The following PEPD variants were observed in gnomAD, a reference collection of about 807,000 sequenced individuals.
PEPD encodes the protein xaa-Pro dipeptidase.
PEPD carries 53 observed loss-of-function variants against 60.7 expected under a neutral mutation model. The observed-to-expected ratio is 0.87, with a 90% CI of 0.70 to 1.10. The LOEUF (loss-of-function observed/expected upper bound fraction) is 1.10. Among genes scored for constraint, PEPD ranks in the 50% least tolerant of loss-of-function variants. The probability of loss-of-function intolerance (pLI) is 0.00; values close to 1 mark genes in which losing one functional copy is unlikely to be tolerated. For synonymous variants in PEPD, 267 were observed against 284.1 expected (o/e 0.94, Z 0.60); for missense variants, 711 against 711.9 (o/e 1.00, Z 0.01).
intron 9 of PEPD, among the ~76,000 whole-genome samples, chr19:33,445,846 G>A (rs6510384): frequency 0.039 from 6,010 of 152,198 alleles, 173 homozygotes; most frequent in East Asian, 0.077. Flanking sequence ...GACCTCAGAG[G>A]ACATCAGACA....
rs141683326 is a variant in PEPD, at chr19:33,439,184, C to T, written c.671+23811G>A. Among the ~76,000 whole-genome samples, 304 of 152,336 alleles carry T rather than the reference C, an allele frequency of 2.0e-3. 3 individuals are homozygous for T. The highest frequency in any genetic ancestry group is 1.2e-3 in the Non-Finnish European group (84 of 68,032). On this transcript the variant is annotated intron_variant, in intron 9 of 14. Coordinates refer to ENST00000244137, the MANE Select transcript of PEPD (RefSeq NM_000285.4). ...TGCTTCCCCTGAGGAGGGAAAAGTG[C>T]GACGTGGACAGGGCTCCCATAACCT...
chr19:33,425,253 C>T (rs571968760), intron 9 of PEPD, among the ~76,000 whole-genome samples: 2 of 152,188 alleles, frequency 1.3e-5, no homozygotes, highest in South Asian at 2.1e-4. Flanking sequence ...ATCTGTAATG[C>T]GCCACTGCAC....
At chr19:33,456,952 G>A (rs779304772) in intron 9 of PEPD, among the ~76,000 whole-genome samples, 24 of 151,428 alleles carry the variant, frequency 1.6e-4, no homozygotes, top group Admixed American at 6.6e-4. Flanking sequence ...TGAAACCTGC[G>A]TCCTCTGCAT....
chr19:33,515,193 C>T (rs1340857654), intron 1 of PEPD, among the ~76,000 whole-genome samples: 1 of 152,186 alleles, frequency 6.6e-6, no homozygotes, highest in Non-Finnish European at 1.5e-5. Flanking sequence ...CGGGGCCACA[C>T]ACACAGCTGT....
Position 33,443,272 on chromosome 19 carries a change from C to G in PEPD, c.671+19723G>C, listed in dbSNP as rs556480544. ...GCTTCATTTTAAAAATTACTGAATA[C>G]TATTCCCTCGTATGGCTAGACTGCA... On this transcript the variant is annotated intron_variant, in intron 9 of 14. Transcript: ENST00000244137. Among the ~76,000 whole-genome samples, 415 of 152,316 alleles carry G rather than the reference C, an allele frequency of 2.7e-3. 3 individuals are homozygous for G. Among genetic ancestry groups the G allele is most frequent in the African/African-American group, 9.7e-3 (401 of 41,554 alleles).
chr19:33,399,844 C>T (rs1011406990), intron 12 of PEPD, among the ~76,000 whole-genome samples: 4 of 152,186 alleles, frequency 2.6e-5, no homozygotes, highest in African/African-American at 9.7e-5. Context: ...ACAGAGGGCA[C>T]TCCATGTCTA....
At chr19:33,391,001 A>G (rs1402394634) in intron 13 of PEPD, among the ~76,000 whole-genome samples, 1 of 152,082 alleles carries the variant, frequency 6.6e-6, no homozygotes, top group Non-Finnish European at 1.5e-5. Context: ...GTGGGGCCCC[A>G]TGCACCGTAT....
chr19:33,458,933 T>A lies in PEPD; in HGVS notation c.671+4062A>T, dbSNP rs867673211. Among the ~76,000 whole-genome samples the A allele has an allele frequency of 1.0e-4, 12 of 118,810 alleles. No individual in the cohort carries two copies. In the South Asian group the frequency reaches 2.9e-3, roughly 29 times the overall value. 77.9% of individuals were successfully genotyped at this position (118,810 alleles called of 152,430 possible). A position where few individuals can be genotyped will look rare whatever the true frequency, so the allele number is the denominator to read the frequency against. On this transcript the variant is annotated intron_variant, in intron 9 of 14. Transcript: ENST00000244137. ...GGAGACCCTCAGGTCGTGTCCCCTC[T>A]CCCCAGCCCATCTGTACTCGAGGGG...
Position 33,514,114 on chromosome 19 carries a change from C to T in PEPD, c.18-1338G>A, listed in dbSNP as rs567147210. On this transcript the variant is annotated intron_variant, in intron 1 of 14. Coordinates refer to ENST00000244137, the MANE Select transcript of PEPD (RefSeq NM_000285.4). ...TGGTCCCAGCAAGCAGGCTGGAGGC[C>T]GGGTGTGGAGAGATAATGGGGATGA... 4.6e-5 allele frequency among the ~76,000 whole-genome samples: 7 copies of T among 152,210 alleles called. No homozygotes were observed. The East Asian group carries it at 9.7e-4, about 21-fold the overall frequency.
intron 9 of PEPD, among the ~76,000 whole-genome samples, chr19:33,449,464 A>C (rs961011020): frequency 6.6e-6 from 1 of 152,206 alleles, no homozygotes; most frequent in Non-Finnish European, 1.5e-5. Flanking sequence ...AGCTCACCGG[A>C]GAAGCCTGCG....
rs1263234162 is a variant in PEPD, at chr19:33,511,072, C to A, written c.285G>T (p.Leu95=). 2 of 1,613,990 alleles carry A rather than the reference C, an allele frequency of 1.2e-6. No homozygotes were observed. The highest frequency in any genetic ancestry group is 8.5e-7 in the Non-Finnish European group (1 of 1,179,946). The stretch of plus-strand genomic sequence containing the variant: ...GGCTGGCAGGAAGCCTGGGCACAAA[C>A]AGGGTCGACTTCCCAGTGTCAACAT... The part of the protein sequence containing the change: ...VIDVDTGKST[L]FVPRLPASHA... The change falls in exon 3 of 15, where the codon CTG becomes CTT. Residue 95 remains leucine, a synonymous_variant. Coordinates refer to ENST00000244137, the MANE Select transcript of PEPD (RefSeq NM_000285.4).
rs528856217 is a variant in PEPD, at chr19:33,443,760, G to A, written c.671+19235C>T. 8.5e-5 allele frequency among the ~76,000 whole-genome samples: 13 copies of A among 152,348 alleles called. No homozygotes were observed. The South Asian group carries it at 1.9e-3, about 22-fold the overall frequency. Reference sequence around the variant, plus strand: ...GCAGGTGCAGGGTGAGGGGGTGCGCGTAATGGGTGTACCATACGCACATGC... The same window carrying A: ...GCAGGTGCAGGGTGAGGGGGTGCGCATAATGGGTGTACCATACGCACATGC... On this transcript the variant is annotated intron_variant, in intron 9 of 14. Transcript: ENST00000244137.
intron 10 of PEPD, among the ~76,000 whole-genome samples, chr19:33,412,996 C>T (rs1464829378): frequency 6.6e-6 from 1 of 152,236 alleles, no homozygotes; most frequent in Non-Finnish European, 1.5e-5. Context: ...CCAAGCACAC[C>T]CAGCCAGGTG....
At chr19:33,427,881 T>C (rs6510383) in intron 9 of PEPD, among the ~76,000 whole-genome samples, 41,156 of 152,104 alleles carry the variant, frequency 0.27, 6,550 homozygotes, top group African/African-American at 0.44. Context: ...AGCCAGTAGA[T>C]TGCTAGCAGG....
chr19:33,390,251 C>T (rs377705296), intron 13 of PEPD, among the ~76,000 whole-genome samples: 4 of 152,050 alleles, frequency 2.6e-5, no homozygotes, highest in Non-Finnish European at 5.9e-5. Flanking sequence ...GGAAAAAAAG[C>T]GCTTTGGCGA....
At chr19:33,478,567 GAA>G (rs1970263351) in intron 6 of PEPD, among the ~76,000 whole-genome samples, 2 of 152,038 alleles carry the variant, frequency 1.3e-5, no homozygotes, top group South Asian at 4.2e-4. Context: ...AGCAGCAAGA[GAA>G]AAGTATTAAT....
chr19:33,418,095 C>T, intron 9 of PEPD, among the ~76,000 whole-genome samples: 1 of 152,310 alleles, frequency 6.6e-6, no homozygotes, highest in East Asian at 1.9e-4. Flanking sequence ...CGGGGTGCGC[C>T]CAGGACTGGG....
chr19:33,460,930 T>C (rs182225837), intron 9 of PEPD, among the ~76,000 whole-genome samples: 56 of 152,150 alleles, frequency 3.7e-4, no homozygotes, highest in African/African-American at 1.2e-3. Context: ...AGGGGTGACA[T>C]CTCCCCAGAG....
chr19:33,430,226 G>A (rs1969239959), intron 9 of PEPD, among the ~76,000 whole-genome samples: 1 of 152,212 alleles, frequency 6.6e-6, no homozygotes, highest in Admixed American at 6.5e-5. Flanking sequence ...GCCGTGAAGG[G>A]AGAACAACTT....
Sources: gnomAD v4.1 joint callset for allele counts (sites outside exome capture counted in the v4.1 genomes callset) on GRCh38, gnomAD v4.1.1 for gene constraint, MANE v1.5 for transcripts, NCBI Gene and HGNC (gene_info 2026-07-23, HGNC 2026-07-21) for gene names.